The following PRKCE variants were observed in gnomAD, a reference collection of about 807,000 sequenced individuals.
PRKCE encodes protein kinase C epsilon.
PRKCE carries 16 observed loss-of-function variants against 85.4 expected under a neutral mutation model. The ratio of observed to expected loss-of-function variants is 0.19; its 90% CI spans 0.13 to 0.28. The LOEUF (loss-of-function observed/expected upper bound fraction) is 0.28, where lower values mean the gene tolerates loss of function less well. Among genes scored for constraint, PRKCE ranks in the 10% least tolerant of loss-of-function variants. PRKCE has a pLI of 1.00. For synonymous variants in PRKCE, 388 were observed against 371.5 expected, an observed-to-expected ratio of 1.04 and a Z score of -0.51; for missense variants, 573 against 975.2, an observed-to-expected ratio of 0.59 and a Z score of 5.49.
chr2:46,027,667 C>T (rs7581295), intron 10 of PRKCE, among the ~76,000 whole-genome samples: 86,289 of 152,046 alleles, frequency 0.57, 25,339 homozygotes, highest in Middle Eastern at 0.69. Flanking sequence ...CGAACTTTAA[C>T]AAAAAACTGA....
intron 2 of PRKCE, among the ~76,000 whole-genome samples, chr2:45,869,438 A>T (rs1573680049): frequency 1.3e-5 from 2 of 152,196 alleles, no homozygotes; most frequent in African/African-American, 4.8e-5. Flanking sequence ...ATTGCTAACG[A>T]TGGTAACAAA....
intron 1 of PRKCE, among the ~76,000 whole-genome samples, chr2:45,762,604 A>G (rs371189020): frequency 3.4e-4 from 51 of 152,218 alleles, no homozygotes; most frequent in African/African-American, 1.2e-3. Context: ...GGCAAGGAAG[A>G]TGTTATCTAA....
At position 45,885,001 on chromosome 2, in the gene PRKCE, A is replaced by ATTTTTTTTTTTT. The variant is rs55883420; in HGVS notation, c.412+41941_412+41942insTTTTTTTTTTTT. Among the ~76,000 whole-genome samples, 12 of 71,538 alleles carry ATTTTTTTTTTTT rather than the reference A, an allele frequency of 1.7e-4. No individual in the cohort carries two copies. In the East Asian group the frequency reaches 3.0e-3, roughly 18 times the overall value. The allele number at this position is 71,538 out of a possible 152,430, so 46.9% of individuals were successfully genotyped here. ...TATATATATATATATATATATATAT[A>ATTTTTTTTTTTT]TTTGTTGTTGTTGTTGTTGTTTTAC... On this transcript the variant is annotated intron_variant, in intron 2 of 14. Transcript: ENST00000306156.
At position 45,724,995 on chromosome 2, in the gene PRKCE, A is replaced by G. The variant is rs754487217; in HGVS notation, c.348+72547A>G. ...GGCTACAATAAACAACAGATTTTCA[A>G]TGTAGATTAGAAGTTGCTATCTAAC... On this transcript the variant is annotated intron_variant, in intron 1 of 14. Coordinates refer to ENST00000306156, the MANE Select transcript of PRKCE (RefSeq NM_005400.3). Among the ~76,000 whole-genome samples, 7 of 152,364 alleles carry G rather than the reference A, an allele frequency of 4.6e-5. No individual in the cohort carries two copies. In the East Asian group the frequency reaches 9.6e-4, roughly 21 times the overall value.
rs1558793175 is a variant in PRKCE, at chr2:45,884,984, TATATATATATATATATA to T, written c.412+41922_412+41938del. On this transcript the variant is annotated intron_variant, in intron 2 of 14. Coordinates refer to ENST00000306156, the MANE Select transcript of PRKCE (RefSeq NM_005400.3). ...ATATATATATATATATATATATATATATATATATATATATATATTTGTTGTTGTTGTTGTTGTTTTAC... is the reference window on the plus strand; with the variant it reads ...ATATATATATATATATATATATATATTTTGTTGTTGTTGTTGTTGTTTTAC... Among the ~76,000 whole-genome samples, 32 of 77,072 alleles carry T rather than the reference TATATATATATATATATA, an allele frequency of 4.2e-4. 1 individual carries two copies. In the South Asian group the frequency reaches 5.0e-3, roughly 12 times the overall value. 50.6% of individuals were successfully genotyped at this position (77,072 alleles called of 152,430 possible). A position where few individuals can be genotyped will look rare whatever the true frequency, so the allele number is the denominator to read the frequency against.
intron 1 of PRKCE, among the ~76,000 whole-genome samples, chr2:45,665,887 C>T (rs1172770227): frequency 3.3e-5 from 5 of 152,190 alleles, no homozygotes; most frequent in Non-Finnish European, 7.3e-5. Flanking sequence ...TGCTTGTCCT[C>T]TTGTCCCTGT....
At chr2:46,014,569 A>T (rs1376331785) in intron 10 of PRKCE, among the ~76,000 whole-genome samples, 1 of 152,198 alleles carries the variant, frequency 6.6e-6, no homozygotes, top group East Asian at 1.9e-4. Context: ...TGAGAAAAAA[A>T]ATTTTTTATA....
At chr2:45,853,481 C>T (rs935256905) in intron 2 of PRKCE, among the ~76,000 whole-genome samples, 6 of 152,084 alleles carry the variant, frequency 3.9e-5, no homozygotes, top group African/African-American at 1.4e-4. Context: ...TAATTTTTTC[C>T]TGGTTCCTGG....
intron 1 of PRKCE, among the ~76,000 whole-genome samples, chr2:45,815,644 G>A (rs1447842305): frequency 2.6e-5 from 4 of 152,240 alleles, no homozygotes; most frequent in Admixed American, 1.3e-4. Context: ...CCAGGTGTTT[G>A]TAGCCAGACT....
intron 2 of PRKCE, among the ~76,000 whole-genome samples, chr2:45,900,941 G>A (rs1375082345): frequency 6.6e-6 from 1 of 152,224 alleles, no homozygotes; most frequent in East Asian, 1.9e-4. Flanking sequence ...TAACAAATGA[G>A]TAAGGCAATA....
At chr2:45,755,294 A>ATTTG (rs1683910555) in intron 1 of PRKCE, among the ~76,000 whole-genome samples, 1 of 152,212 alleles carries the variant, frequency 6.6e-6, no homozygotes, top group African/African-American at 2.4e-5. Context: ...TATTTGGTAT[A>ATTTG]CAGTGGCACT....
At chr2:45,788,404 A>G (rs1446787756) in intron 1 of PRKCE, among the ~76,000 whole-genome samples, 1 of 152,198 alleles carries the variant, frequency 6.6e-6, no homozygotes, top group Non-Finnish European at 1.5e-5. Context: ...TTCTGGATAC[A>G]TCAAGGTGTT....
chr2:46,028,542 T>A (rs551303310), intron 10 of PRKCE, among the ~76,000 whole-genome samples: 2 of 152,202 alleles, frequency 1.3e-5, no homozygotes, highest in African/African-American at 4.8e-5. Context: ...GCACTCACTG[T>A]GCTGCCCTCC....
intron 1 of PRKCE, among the ~76,000 whole-genome samples, chr2:45,705,855 G>T (rs959934329): frequency 1.3e-5 from 2 of 152,200 alleles, no homozygotes; most frequent in African/African-American, 4.8e-5. Flanking sequence ...TGAAGATAAT[G>T]AGTTTGTCCA....
Position 45,986,476 on chromosome 2 carries a change from G to C in PRKCE, c.823+1796G>C, listed in dbSNP as rs1032329457. Among the ~76,000 whole-genome samples the C allele has an allele frequency of 2.0e-5, 3 of 152,194 alleles. No homozygotes were observed. In the East Asian group the frequency reaches 5.8e-4, roughly 29 times the overall value. ...ATGGACACCGCCTTCCCCAGATGGA[G>C]GGCAAGCCTGGCTACCAGGCCTGGG... On this transcript the variant is annotated intron_variant, in intron 6 of 14. Transcript: ENST00000306156.
At chr2:45,931,068 G>A (rs1699008508) in intron 2 of PRKCE, among the ~76,000 whole-genome samples, 1 of 152,204 alleles carries the variant, frequency 6.6e-6, no homozygotes, top group Non-Finnish European at 1.5e-5. Context: ...AGGTTGCAAA[G>A]CAGAGGCCAA....
chr2:45,896,395 G>C (rs1696143129), intron 2 of PRKCE, among the ~76,000 whole-genome samples: 1 of 152,166 alleles, frequency 6.6e-6, no homozygotes, highest in Non-Finnish European at 1.5e-5. Context: ...GGCTGGGAGG[G>C]AGTTAAAAGA....
At chr2:45,833,997 C>T (rs970023462) in intron 1 of PRKCE, among the ~76,000 whole-genome samples, 3 of 152,212 alleles carry the variant, frequency 2.0e-5, no homozygotes, top group African/African-American at 7.2e-5. Context: ...GATGTTTTCT[C>T]AGCTCAAGAA....
intron 2 of PRKCE, among the ~76,000 whole-genome samples, chr2:45,879,245 G>A (rs1057191584): frequency 7.2e-5 from 11 of 152,196 alleles, no homozygotes; most frequent in African/African-American, 1.7e-4. Context: ...GCGGGACTTC[G>A]AAGAAGAGTC....
Sources: allele counts gnomAD v4.1 joint callset (sites outside exome capture counted in the v4.1 genomes callset), GRCh38; gene constraint gnomAD v4.1.1; transcripts MANE v1.5; gene names NCBI Gene and HGNC (gene_info 2026-07-23, HGNC 2026-07-21).